Variants in SNTG1 observed in about 807,000 individuals in gnomAD.
The protein encoded by SNTG1 is gamma-1-syntrophin.
SNTG1 carries 39 observed loss-of-function variants against 74.7 expected under a neutral mutation model. That is an observed-to-expected ratio of 0.52 (90% CI 0.40 to 0.68). SNTG1 has a LOEUF of 0.68. Among genes scored for constraint, SNTG1 ranks in the 30% least tolerant of loss-of-function variants. The probability of loss-of-function intolerance (pLI) is 0.00; values close to 1 mark genes in which losing one functional copy is unlikely to be tolerated. For synonymous variants in SNTG1, 254 were observed against 217.1 expected, an observed-to-expected ratio of 1.17 and a Z score of -1.49; for missense variants, 685 against 609.5, an observed-to-expected ratio of 1.12 and a Z score of -1.30.
intron 9 of SNTG1, among the ~76,000 whole-genome samples, chr8:50,520,528 G>C (rs559323374): frequency 9.6e-5 from 14 of 145,952 alleles, no homozygotes; most frequent in African/African-American, 3.4e-4. Context: ...GAGAAAAAAG[G>C]CAAAGGCTGA....
intron 4 of SNTG1, among the ~76,000 whole-genome samples, chr8:50,426,646 AAG>A (rs1435285283): frequency 6.6e-6 from 1 of 151,922 alleles, no homozygotes; most frequent in Non-Finnish European, 1.5e-5. Context: ...TTACTGAAGA[AAG>A]AAAAGTATTT....
At chr8:50,638,521 A>T (rs1477267049) in intron 13 of SNTG1, among the ~76,000 whole-genome samples, 4 of 152,142 alleles carry the variant, frequency 2.6e-5, no homozygotes, top group Non-Finnish European at 5.9e-5. Flanking sequence ...TTTCTATAGC[A>T]CTGGGTGCTC....
chr8:49,926,326 AT>A (rs1321134859), intron 1 of SNTG1, among the ~76,000 whole-genome samples: 1 of 152,048 alleles, frequency 6.6e-6, no homozygotes, highest in Non-Finnish European at 1.5e-5. Flanking sequence ...TACAAGTATA[AT>A]TTTTTTACAA....
chr8:50,594,769 G>T (rs967018374), intron 13 of SNTG1, among the ~76,000 whole-genome samples: 1 of 152,044 alleles, frequency 6.6e-6, no homozygotes, highest in Admixed American at 6.6e-5. Flanking sequence ...CAGAAAAATG[G>T]CAAAAATAGA....
intron 2 of SNTG1, among the ~76,000 whole-genome samples, chr8:50,375,343 G>A (rs1237323482): frequency 6.6e-6 from 1 of 151,994 alleles, no homozygotes; most frequent in Non-Finnish European, 1.5e-5. Flanking sequence ...AGGAGGACCT[G>A]GGGGACAAGC....
At chr8:50,424,712 C>T (rs1226890609) in intron 4 of SNTG1, among the ~76,000 whole-genome samples, 1 of 152,120 alleles carries the variant, frequency 6.6e-6, no homozygotes, top group Admixed American at 6.6e-5. Flanking sequence ...TGATTGAAAA[C>T]ATTAAAATAT....
chr8:50,127,235 T>C (rs561331600), intron 1 of SNTG1, among the ~76,000 whole-genome samples: 1 of 152,212 alleles, frequency 6.6e-6, no homozygotes, highest in South Asian at 2.1e-4. Flanking sequence ...GAGGCCTATA[T>C]GATAGAGGCA....
chr8:50,468,577 T>C (rs2093627649), intron 8 of SNTG1, among the ~76,000 whole-genome samples: 1 of 152,186 alleles, frequency 6.6e-6, no homozygotes, highest in Non-Finnish European at 1.5e-5. Context: ...GTCTTTTATA[T>C]TCCCTAGATA....
chr8:50,655,265 A>G (rs986940528), intron 13 of SNTG1, among the ~76,000 whole-genome samples: 9 of 152,204 alleles, frequency 5.9e-5, no homozygotes, highest in African/African-American at 2.2e-4. Flanking sequence ...CAGTAAATAT[A>G]TATTAAACTA....
intron 2 of SNTG1, among the ~76,000 whole-genome samples, chr8:50,257,778 G>A (rs903012068): frequency 6.6e-6 from 1 of 152,186 alleles, no homozygotes; most frequent in African/African-American, 2.4e-5. Flanking sequence ...CAAGCTCAAA[G>A]AAGGACAAAA....
intron 11 of SNTG1, among the ~76,000 whole-genome samples, chr8:50,547,305 C>T (rs1021683623): frequency 6.6e-6 from 1 of 152,108 alleles, no homozygotes; most frequent in Non-Finnish European, 1.5e-5. Context: ...TAGAAAACAT[C>T]AACTAAATAC....
intron 2 of SNTG1, among the ~76,000 whole-genome samples, chr8:50,196,861 A>G (rs1204151565): frequency 1.3e-5 from 2 of 151,968 alleles, no homozygotes; most frequent in East Asian, 1.9e-4. Flanking sequence ...GTGCACCTGT[A>G]ATCCCAGCTA....
chr8:50,622,594 A>T (rs2094930276), intron 13 of SNTG1, among the ~76,000 whole-genome samples: 1 of 152,162 alleles, frequency 6.6e-6, no homozygotes, highest in Non-Finnish European at 1.5e-5. Flanking sequence ...TTACATTTAA[A>T]ATTATATTTT....
chr8:50,701,058 C>T (rs1382964757), intron 15 of SNTG1, among the ~76,000 whole-genome samples: 1 of 151,986 alleles, frequency 6.6e-6, no homozygotes, highest in Non-Finnish European at 1.5e-5. Flanking sequence ...TTTTAAGATC[C>T]TATTGCTACA....
intron 1 of SNTG1, among the ~76,000 whole-genome samples, chr8:50,112,662 A>G (rs1408284881): frequency 6.6e-6 from 1 of 151,360 alleles, no homozygotes; most frequent in African/African-American, 2.4e-5. Flanking sequence ...AGCTGGGATT[A>G]CAGGCCCCTG....
At chr8:50,129,943 T>A (rs562545533) in intron 1 of SNTG1, among the ~76,000 whole-genome samples, 1 of 152,200 alleles carries the variant, frequency 6.6e-6, no homozygotes, top group South Asian at 2.1e-4. Flanking sequence ...TTGAGCAAAG[T>A]AATTTTAGGT....
chr8:50,558,685 T>A (rs888183476), intron 12 of SNTG1, among the ~76,000 whole-genome samples: 2 of 151,804 alleles, frequency 1.3e-5, no homozygotes, highest in Non-Finnish European at 2.9e-5. Flanking sequence ...ATACTTTTAA[T>A]AGAAAACAAA....
chr8:50,339,092 A>G (rs2091240265), intron 2 of SNTG1, among the ~76,000 whole-genome samples: 1 of 152,142 alleles, frequency 6.6e-6, no homozygotes, highest in Admixed American at 6.5e-5. Flanking sequence ...TAGGAATTAC[A>G]TTGGACTTCT....
At chr8:50,391,460 G>T (rs2092658878) in intron 2 of SNTG1, among the ~76,000 whole-genome samples, 1 of 152,074 alleles carries the variant, frequency 6.6e-6, no homozygotes, top group Non-Finnish European at 1.5e-5. Context: ...ATGTGCTGCT[G>T]GATTCAATTT....
Sources: gnomAD v4.1 joint callset for allele counts (sites outside exome capture counted in the v4.1 genomes callset) on GRCh38, gnomAD v4.1.1 for gene constraint, MANE v1.5 for transcripts, NCBI Gene and HGNC (gene_info 2026-07-23, HGNC 2026-07-21) for gene names.